Variants in PDLIM1 observed in about 807,000 individuals in gnomAD.
The protein encoded by PDLIM1 is PDZ and LIM domain 1, also known as PDZ and LIM domain protein 1.
Under a neutral mutation model 35.2 loss-of-function variants are expected in PDLIM1, and 25 were observed. The observed-to-expected ratio is 0.71, with a 90% CI of 0.52 to 0.99. The LOEUF (loss-of-function observed/expected upper bound fraction) is 0.99. Among genes scored for constraint, PDLIM1 ranks in the 50% least tolerant of loss-of-function variants. The pLI is 0.00. For synonymous variants in PDLIM1, 152 were observed against 154.0 expected (o/e 0.99, Z 0.10); for missense variants, 363 against 415.3 (o/e 0.87, Z 1.09).
intron 5 of PDLIM1, chr10:95,238,908 AAGAC>A (rs2035150515): frequency 2.2e-6 from 1 of 461,526 alleles, no homozygotes; most frequent in Non-Finnish European, 3.9e-6. Flanking sequence ...CCAAAAAGCC[AAGAC>A]AATCCTAAGC....
chr10:95,250,702 G>T (rs537481310), intron 4 of PDLIM1, among the ~76,000 whole-genome samples: 2 of 152,180 alleles, frequency 1.3e-5, no homozygotes, highest in African/African-American at 4.8e-5. Flanking sequence ...TTTTGACGGC[G>T]TAACAGTGAA....
chr10:95,277,253 G>A (rs1443301214), intron 1 of PDLIM1, among the ~76,000 whole-genome samples: 1 of 151,720 alleles, frequency 6.6e-6, no homozygotes. Flanking sequence ...ACTCCCATTA[G>A]TTCAATGAAC....
At chr10:95,262,563 C>T (rs926336010) in intron 4 of PDLIM1, among the ~76,000 whole-genome samples, 17 of 152,300 alleles carry the variant, frequency 1.1e-4, no homozygotes, top group East Asian at 1.9e-4. Context: ...GCGTCCCCTC[C>T]GGACCAGGAA....
intron 5 of PDLIM1, among the ~76,000 whole-genome samples, chr10:95,246,793 C>A (rs1251099213): frequency 6.6e-6 from 1 of 152,196 alleles, no homozygotes; most frequent in African/African-American, 2.4e-5. Flanking sequence ...CTGGCTTCAC[C>A]GAGCACTAAT....
At chr10:95,257,877 G>A (rs1451453221) in intron 4 of PDLIM1, among the ~76,000 whole-genome samples, 1 of 152,188 alleles carries the variant, frequency 6.6e-6, no homozygotes, top group Non-Finnish European at 1.5e-5. Context: ...CAATAGCCAG[G>A]AGGTGCAAGC....
intron 1 of PDLIM1, among the ~76,000 whole-genome samples, chr10:95,273,895 C>T (rs558295621): frequency 7.2e-5 from 11 of 152,288 alleles, no homozygotes; most frequent in African/African-American, 2.2e-4. Flanking sequence ...TAAAGGACAA[C>T]GCAGGCTCAG....
Position 95,251,825 on chromosome 10 carries a change from G to A in PDLIM1, c.534-4459C>T, listed in dbSNP as rs192349723. Among the ~76,000 whole-genome samples the A allele has an allele frequency of 4.6e-5, 7 of 152,252 alleles. No homozygotes were observed. In the East Asian group the frequency reaches 5.8e-4, roughly 13 times the overall value. ...CATGAGAAGACTCTGACAGGGCAACGGAAGCCACACTGGCTAGGGACCCCA... is the reference window on the plus strand; with the variant it reads ...CATGAGAAGACTCTGACAGGGCAACAGAAGCCACACTGGCTAGGGACCCCA... On this transcript the variant is annotated intron_variant, in intron 4 of 6. Transcript: ENST00000329399.
intron 3 of PDLIM1, among the ~76,000 whole-genome samples, chr10:95,268,130 C>G (rs10786194): frequency 0.7 from 106,213 of 152,048 alleles, 38,606 homozygotes; most frequent in Non-Finnish European, 0.81. Flanking sequence ...AATAATCCAA[C>G]TACTGAGAGA....
At chr10:95,243,516 T>A (rs1048037056) in intron 5 of PDLIM1, among the ~76,000 whole-genome samples, 1 of 152,114 alleles carries the variant, frequency 6.6e-6, no homozygotes, top group African/African-American at 2.4e-5. Context: ...TTCTTAACCT[T>A]GCACCTGGTG....
intron 1 of PDLIM1, among the ~76,000 whole-genome samples, chr10:95,289,239 T>A (rs1262765531): frequency 6.6e-6 from 1 of 152,214 alleles, no homozygotes; most frequent in African/African-American, 2.4e-5. Flanking sequence ...CGAGTTGAAA[T>A]GTGCAGACAC....
Position 95,287,602 on chromosome 10 carries a change from G to A in PDLIM1, c.96+3218C>T, listed in dbSNP as rs188509149. Among the ~76,000 whole-genome samples the A allele has an allele frequency of 6.6e-5, 10 of 152,166 alleles. No homozygotes were observed. In the East Asian group the frequency reaches 1.9e-3, roughly 29 times the overall value. ...ATAAACTGAGTTGCAATGTTGGCCT[G>A]GGTATTTCTCTGAAGGCTTCCCTTG... On this transcript the variant is annotated intron_variant, in intron 1 of 6. Coordinates refer to ENST00000329399, the MANE Select transcript of PDLIM1 (RefSeq NM_020992.4).
intron 1 of PDLIM1, among the ~76,000 whole-genome samples, chr10:95,283,319 C>A (rs551554392): frequency 2.0e-5 from 3 of 152,124 alleles, no homozygotes; most frequent in Non-Finnish European, 4.4e-5. Flanking sequence ...CGCTATTATT[C>A]CCACATTGCA....
intron 1 of PDLIM1, among the ~76,000 whole-genome samples, chr10:95,284,888 G>A (rs1034023290): frequency 6.6e-6 from 1 of 152,192 alleles, no homozygotes; most frequent in African/African-American, 2.4e-5. Flanking sequence ...AGCCACGGAT[G>A]AGCAGCCCAA....
At chr10:95,256,444 A>C (rs1420645111) in intron 4 of PDLIM1, among the ~76,000 whole-genome samples, 1 of 152,192 alleles carries the variant, frequency 6.6e-6, no homozygotes, top group East Asian at 1.9e-4. Flanking sequence ...ATTTCAAAAC[A>C]TTTTACAAAG....
chr10:95,257,130 A>T (rs1333169300), intron 4 of PDLIM1, among the ~76,000 whole-genome samples: 1 of 151,944 alleles, frequency 6.6e-6, no homozygotes, highest in Admixed American at 6.6e-5. Flanking sequence ...GCTGTGGCTG[A>T]CACCTGTAAT....
At chr10:95,254,351 A>C (rs538772063) in intron 4 of PDLIM1, among the ~76,000 whole-genome samples, 1 of 152,354 alleles carries the variant, frequency 6.6e-6, no homozygotes, top group South Asian at 2.1e-4. Flanking sequence ...TATTATTAAT[A>C]ATATCTGATA....
intron 4 of PDLIM1, among the ~76,000 whole-genome samples, chr10:95,255,518 C>T (rs921247924): frequency 6.6e-6 from 1 of 152,052 alleles, no homozygotes; most frequent in African/African-American, 2.4e-5. Context: ...ATCACATTAA[C>T]AGAATGAAGG....
chr10:95,238,545 G>A (rs769944923), intron 6 of PDLIM1, 23 bp downstream of exon 6: 20 of 1,404,336 alleles, frequency 1.4e-5, no homozygotes, highest in African/African-American at 4.2e-5. Flanking sequence ...GGTCTGCAAA[G>A]GCTGTGGGAA....
At chr10:95,264,195 T>A in intron 3 of PDLIM1, 132 bp from the exon 4 acceptor site, 2 of 673,084 alleles carry the variant, frequency 3.0e-6, no homozygotes, top group Non-Finnish European at 5.2e-6. Flanking sequence ...AAACTTTAGC[T>A]GAGGGACACT....
Sources: allele counts gnomAD v4.1 joint callset (sites outside exome capture counted in the v4.1 genomes callset), GRCh38; gene constraint gnomAD v4.1.1; transcripts MANE v1.5; gene names NCBI Gene and HGNC (gene_info 2026-07-23, HGNC 2026-07-21).